The following PPCS variants were observed in gnomAD, a reference collection of about 807,000 sequenced individuals.
PPCS encodes phosphopantothenate--cysteine ligase.
In PPCS, 17 loss-of-function variants were observed where a neutral mutation model predicts 24.6. The ratio of observed to expected loss-of-function variants is 0.69; its 90% CI spans 0.47 to 1.04. The LOEUF (loss-of-function observed/expected upper bound fraction) is 1.04. Among genes scored for constraint, PPCS ranks in the 50% least tolerant of loss-of-function variants. PPCS has a pLI of 0.00. For missense variants in PPCS, 360 were observed against 402.8 expected (o/e 0.89, Z 0.91); for synonymous variants, 190 against 168.3 (o/e 1.13, Z -1.00).
downstream of PPCS, among the ~76,000 whole-genome samples, chr1:42,462,698 A>T (rs571342128): frequency 1.3e-5 from 2 of 152,282 alleles, no homozygotes; most frequent in East Asian, 1.9e-4. Context: ...TGTGTCATTT[A>T]TAAGTTTTTA....
downstream of PPCS, among the ~76,000 whole-genome samples, chr1:42,461,272 T>C (rs150289428): frequency 1.9e-3 from 291 of 152,344 alleles, no homozygotes; most frequent in African/African-American, 6.6e-3. Context: ...TCAGGAAATG[T>C]GACCTTGAAC....
In PPCS at chr1:42,459,782, G is replaced by C. The variant is rs61745591; in HGVS notation, c.792G>C (p.Gln264His). 533 of 1,614,192 alleles carry C rather than the reference G, an allele frequency of 3.3e-4. No individual in the cohort carries two copies. In the African/African-American group the frequency reaches 6.5e-3, roughly 20 times the overall value. ...VVVANILESRQSFVFIVTKDS... is the reference protein window; with the variant it reads ...VVVANILESRHSFVFIVTKDS... Reference sequence around the variant, plus strand: ...TGGCTAATATCCTTGAGTCACGACAGTCCTTTGTGTTTATTGTAACCAAAG... The same window carrying C: ...TGGCTAATATCCTTGAGTCACGACACTCCTTTGTGTTTATTGTAACCAAAG... The change falls in exon 3 of 3, where the codon CAG (glutamine) becomes CAC (histidine). Residue 264 changes from glutamine to histidine, a missense_variant. Physicochemically the swap from Gln to His is conservative, Grantham distance 24. Around this residue, in one of 2 missense-constraint regions of PPCS, gnomAD observed 116 missense variants for 168.1 expected, o/e 0.69. Transcript: ENST00000372561.
Position 42,460,142 on chromosome 1 carries a change from TTAAA to T in PPCS, c.*217_*220del. 1 of 1,283,870 alleles carries T rather than the reference TTAAA, an allele frequency of 7.8e-7. No homozygotes were observed. The highest frequency in any genetic ancestry group is 9.8e-7 in the Non-Finnish European group (1 of 1,017,422). 79.5% of individuals were successfully genotyped at this position (1,283,870 alleles called of 1,614,324 possible). A position where few individuals can be genotyped will look rare whatever the true frequency, so the allele number is the denominator to read the frequency against. On this transcript the variant is annotated 3_prime_UTR_variant, in exon 3 of 3. Coordinates refer to ENST00000372561, the MANE Select transcript of PPCS (RefSeq NM_024664.4). ...TGAACACTAGAACTGTTAATCACCT[TTAAA>T]AAGAAGAGCTTATTGGGAATTATAT...
chr1:42,461,379 A>G (rs1292844946), downstream of PPCS, among the ~76,000 whole-genome samples: 2 of 152,186 alleles, frequency 1.3e-5, no homozygotes, highest in African/African-American at 4.8e-5. Context: ...TTAGTCACCC[A>G]GGTTGGAGTG....
rs767257417 is a variant in PPCS at position 42,459,895 on chromosome 1, G to A, written c.905G>A (p.Arg302Gln). The A allele has an allele frequency of 4.3e-6, 7 of 1,612,210 alleles. No homozygotes were observed. The highest frequency in any genetic ancestry group is 3.3e-5 in the South Asian group (3 of 90,998). ...EEKIVDNLQS[R>Q]HTAFIGDRN Reference sequence around the variant, plus strand: ...AAGATAGTGGATAATCTTCAGTCTCGACACACAGCTTTTATAGGTGACAGA... The same window carrying A: ...AAGATAGTGGATAATCTTCAGTCTCAACACACAGCTTTTATAGGTGACAGA... The change falls in exon 3 of 3, where the codon CGA becomes CAA. Residue 302 changes from arginine to glutamine, a missense_variant. Physicochemically the swap from Arg to Gln is conservative, Grantham distance 43. This residue lies in a region of PPCS where 116 missense variants were observed against 168.1 expected (regional missense o/e 0.69). Transcript: ENST00000372561.
At chr1:42,465,300 G>A (rs555358701), downstream of PPCS, among the ~76,000 whole-genome samples, 19 of 152,110 alleles carry the variant, frequency 1.2e-4, no homozygotes, top group Non-Finnish European at 2.4e-4. Context: ...TACAGAGTGA[G>A]ACCCTGTCTC....
In PPCS at chr1:42,466,644, C is replaced by T. The variant is rs549602035; in HGVS notation, n.378-6478C>T. Among the ~76,000 whole-genome samples, 20 of 151,326 alleles carry T rather than the reference C, an allele frequency of 1.3e-4. No homozygotes were observed. The East Asian group carries it at 2.3e-3, about 18-fold the overall frequency. ...TCGGCTCACTGCAGCCTCTGCCTCC[C>T]GGGTTCCAGCGATTCTCCTGCCTCA... On this transcript the variant is annotated intron_variant and non_coding_transcript_variant, in intron 2 of 2. Coordinates refer to the PPCS transcript ENST00000471420.
chr1:42,468,061 C>A (rs1041044565), intron 2 of PPCS, among the ~76,000 whole-genome samples: 2 of 152,188 alleles, frequency 1.3e-5, no homozygotes, highest in Non-Finnish European at 2.9e-5. Flanking sequence ...GTATCCAATT[C>A]CTGTGTAGCC....
Position 42,459,715 on chromosome 1 carries a change from G to A in PPCS, c.725G>A (p.Arg242Gln). ...ACTGACCCCGCCATTGTAATTAATC[G>A]AGCTCGGAAGGCTTTGGAAATTTAT... is the stretch of plus-strand genomic sequence containing the variant. ...LETDPAIVIN[R>Q]ARKALEIYQH... The change falls in exon 3 of 3, where the codon CGA (arginine) becomes CAA (glutamine). Residue 242 changes from arginine to glutamine, a missense_variant. Arg to Gln is a conservative substitution (Grantham distance 43). This residue lies in a region of PPCS where 116 missense variants were observed against 168.1 expected (regional missense o/e 0.69). Transcript: ENST00000372561. 3.7e-6 allele frequency: 6 copies of A among 1,614,106 alleles called. No homozygotes were observed. Among genetic ancestry groups the A allele is most frequent in the Middle Eastern group, 3.3e-4 (2 of 6,044 alleles).
In PPCS at chr1:42,457,078, G is replaced by T; in HGVS notation, c.508+5G>T. 2 of 1,590,664 alleles carry T rather than the reference G, an allele frequency of 1.3e-6. No homozygotes were observed. The highest frequency in any genetic ancestry group is 8.5e-7 in the Non-Finnish European group (1 of 1,172,746). ...CCCAGGCACTCAATCCGCTAGGTGC[G>T]TGCCCTAGGAGTACCCCTTTTGCCT... On this transcript the variant is annotated splice_donor_5th_base_variant and intron_variant, in intron 1 of 2. Coordinates refer to ENST00000372561, the MANE Select transcript of PPCS (RefSeq NM_024664.4).
chr1:42,460,119 A>G lies in PPCS; in HGVS notation c.*193A>G. 1 of 1,348,778 alleles carries G rather than the reference A, an allele frequency of 7.4e-7. No homozygotes were observed. The highest frequency in any genetic ancestry group is 9.5e-7 in the Non-Finnish European group (1 of 1,055,008). 83.6% of individuals were successfully genotyped at this position (1,348,778 alleles called of 1,614,324 possible). On this transcript the variant is annotated 3_prime_UTR_variant, in exon 3 of 3. Coordinates refer to ENST00000372561, the MANE Select transcript of PPCS (RefSeq NM_024664.4). ...TGATGTCATTTTGATTTTGAAATTGAACACTAGAACTGTTAATCACCTTTA... is the reference window on the plus strand; with the variant it reads ...TGATGTCATTTTGATTTTGAAATTGGACACTAGAACTGTTAATCACCTTTA...
At chr1:42,466,535 T>G (rs912782891) in intron 2 of PPCS, among the ~76,000 whole-genome samples, 9 of 149,394 alleles carry the variant, frequency 6.0e-5, no homozygotes, top group South Asian at 2.2e-4. Context: ...GAATAGTTTT[T>G]TTGTTGTTGT....
chr1:42,472,693 A>G (rs991993257), intron 2 of PPCS, among the ~76,000 whole-genome samples: 43 of 151,906 alleles, frequency 2.8e-4, no homozygotes, highest in African/African-American at 1.0e-3. Context: ...ATATCATGTC[A>G]TTTGTTATTT....
chr1:42,461,986 G>A (rs1485228552), downstream of PPCS, among the ~76,000 whole-genome samples: 1 of 152,194 alleles, frequency 6.6e-6, no homozygotes, highest in Non-Finnish European at 1.5e-5. Flanking sequence ...AGCTTTATGT[G>A]GATGATGACT....
downstream of PPCS, chr1:42,463,237 A>G (rs1336976605): frequency 1.3e-5 from 2 of 152,188 alleles, no homozygotes; most frequent in Admixed American, 1.3e-4. Flanking sequence ...CGTCGTCTCT[A>G]TGGTTCCCGC....
At chr1:42,459,042 A>G (rs1348684624) in intron 2 of PPCS, among the ~76,000 whole-genome samples, 1 of 152,140 alleles carries the variant, frequency 6.6e-6, no homozygotes, top group East Asian at 1.9e-4. Flanking sequence ...GAAAATATTA[A>G]TGGTGGTAAG....
intron 2 of PPCS, chr1:42,468,760 A>T (rs1329949718): frequency 6.6e-6 from 1 of 152,222 alleles, no homozygotes; most frequent in African/African-American, 2.4e-5. Context: ...CAGAATAAAA[A>T]TTTAAAGAAG....
chr1:42,470,021 T>G (rs1643716357), intron 2 of PPCS, among the ~76,000 whole-genome samples: 2 of 152,172 alleles, frequency 1.3e-5, no homozygotes, highest in South Asian at 2.1e-4. Flanking sequence ...CTCAGCAACC[T>G]AAAATAGGTG....
In PPCS at chr1:42,456,589, C is replaced by T. The variant is rs753450689; in HGVS notation, c.24C>T (p.Ala8=). The T allele has an allele frequency of 2.7e-6, 4 of 1,500,028 alleles. No homozygotes were observed. Among genetic ancestry groups the T allele is most frequent in the Non-Finnish European group, 8.9e-7 (1 of 1,126,730 alleles). 92.9% of individuals were successfully genotyped at this position (1,500,028 alleles called of 1,614,324 possible). The change falls in exon 1 of 3, where the codon GCC becomes GCT. Residue 8 remains alanine, a synonymous_variant. Transcript: ENST00000372561. ...AGATGGCGGAAATGGATCCGGTAGC[C>T]GAGTTCCCCCAGCCTCCCGGTGCTG... MAEMDPV[A]EFPQPPGAAR...
Sources: allele counts gnomAD v4.1 joint callset (sites outside exome capture counted in the v4.1 genomes callset), GRCh38; gene constraint gnomAD v4.1.1; regional missense constraint gnomAD v4.1.1; transcripts MANE v1.5; gene names NCBI Gene and HGNC (gene_info 2026-07-23, HGNC 2026-07-21).